Variants in ADAMTS2 observed in about 807,000 individuals in gnomAD.
ADAMTS2 encodes ADAM metallopeptidase with thrombospondin type 1 motif 2.
ADAMTS2 carries 50 observed loss-of-function variants against 123.0 expected under a neutral mutation model. The ratio of observed to expected loss-of-function variants is 0.41; its 90% CI spans 0.32 to 0.51. The LOEUF (loss-of-function observed/expected upper bound fraction) is 0.51, where lower values mean the gene tolerates loss of function less well. ADAMTS2 is among the 20% of genes least tolerant of loss of function. ADAMTS2 has a pLI of 0.35. For synonymous variants in ADAMTS2, 678 were observed against 695.4 expected (o/e 0.98, Z 0.39); for missense variants, 1,494 against 1,705.2 (o/e 0.88, Z 2.18).
At chr5:179,283,117 C>T (rs1030203008) in intron 2 of ADAMTS2, among the ~76,000 whole-genome samples, 7 of 152,206 alleles carry the variant, frequency 4.6e-5, no homozygotes, top group African/African-American at 1.7e-4. Context: ...AAAACTGAGA[C>T]ACCTGGCAAG....
chr5:179,320,332 G>C (rs1757128962), intron 2 of ADAMTS2, among the ~76,000 whole-genome samples: 1 of 152,148 alleles, frequency 6.6e-6, no homozygotes, highest in Non-Finnish European at 1.5e-5. Flanking sequence ...TTTTGAGACG[G>C]AGTCTCGCTC....
intron 4 of ADAMTS2, among the ~76,000 whole-genome samples, chr5:179,198,824 A>C (rs1414248650): frequency 6.7e-6 from 1 of 149,452 alleles, no homozygotes; most frequent in African/African-American, 2.5e-5. Flanking sequence ...ACAGAGCAAG[A>C]CTCTATCTCA....
intron 10 of ADAMTS2, among the ~76,000 whole-genome samples, chr5:179,147,447 T>C (rs1182297067): frequency 1.3e-5 from 2 of 152,186 alleles, no homozygotes; most frequent in Non-Finnish European, 2.9e-5. Flanking sequence ...TAAAGAAATA[T>C]CCATGTTGGA....
At chr5:179,292,363 T>C (rs4700798) in intron 2 of ADAMTS2, among the ~76,000 whole-genome samples, 44,755 of 150,614 alleles carry the variant, frequency 0.3, 7,922 homozygotes, top group Non-Finnish European at 0.39. Flanking sequence ...GATATAAATA[T>C]GAAATTAGCT....
At chr5:179,277,835 A>C (rs71596410) in intron 2 of ADAMTS2, among the ~76,000 whole-genome samples, 72 of 480 alleles carry the variant, frequency 0.15, no homozygotes, top group African/African-American at 0.15. Context: ...CAAAGGCTGA[A>C]CCCCCCGTGA....
chr5:179,320,728 T>C (rs1339393612), intron 2 of ADAMTS2, among the ~76,000 whole-genome samples: 1 of 152,174 alleles, frequency 6.6e-6, no homozygotes, highest in Non-Finnish European at 1.5e-5. Context: ...CCAGGTAGAA[T>C]ACGTTGTCAT....
intron 3 of ADAMTS2, among the ~76,000 whole-genome samples, chr5:179,241,109 T>C (rs1765658360): frequency 6.6e-6 from 1 of 152,214 alleles, no homozygotes; most frequent in Admixed American, 6.5e-5. Context: ...CTGTAGAATA[T>C]GCTGGAGAAC....
chr5:179,137,918 G>A lies in ADAMTS2; in HGVS notation c.1802C>T (p.Ser601Leu), dbSNP rs778186590. 46 of 1,550,098 alleles carry A rather than the reference G, an allele frequency of 3.0e-5. No individual in the cohort carries two copies. The East Asian group carries it at 3.2e-4, about 11-fold the overall frequency. The change falls in exon 12 of 22, where the codon TCG becomes TTG. Residue 601 changes from serine (S) to leucine (L), a missense_variant. Physicochemically the swap from Ser to Leu is moderately radical, Grantham distance 145. Coordinates refer to ENST00000251582, the MANE Select transcript of ADAMTS2 (RefSeq NM_014244.5). ...GAGCTGGAAGTCGTAGGCAAGGCCCGAGCAGGTGCGGCCCCCGTTGGCCGG... is the reference window on the plus strand; with the variant it reads ...GAGCTGGAAGTCGTAGGCAAGGCCCAAGCAGGTGCGGCCCCCGTTGGCCGG... ...PHPANGGRTC[S>L]GLAYDFQLCS...
chr5:179,184,968 T>C (rs1328436414), intron 4 of ADAMTS2, among the ~76,000 whole-genome samples: 1 of 152,144 alleles, frequency 6.6e-6, no homozygotes, highest in Non-Finnish European at 1.5e-5. Flanking sequence ...TGGCATGTCA[T>C]GAGACCTGAG....
chr5:179,233,561 C>T (rs1488096445), intron 3 of ADAMTS2, among the ~76,000 whole-genome samples: 2 of 152,154 alleles, frequency 1.3e-5, no homozygotes, highest in Admixed American at 6.5e-5. Flanking sequence ...TTGGCAGGCA[C>T]CTGTAATCCC....
In ADAMTS2 at chr5:179,308,729, G is replaced by A. The variant is rs1397100955; in HGVS notation, c.534+35038C>T. ...AGCAGATGAATCTGGCTGGCGTCCT[G>A]AGTGGAAGCAGGGCGCGGGCTGCCA... On this transcript the variant is annotated intron_variant, in intron 2 of 21. Coordinates refer to ENST00000251582, the MANE Select transcript of ADAMTS2 (RefSeq NM_014244.5). This position sits in a 1 kb window ranked among gnomAD's most constrained non-coding sequence, Gnocchi z 6.6. Among the ~76,000 whole-genome samples the A allele has an allele frequency of 2.6e-5, 4 of 152,200 alleles. No individual in the cohort carries two copies. Among genetic ancestry groups the A allele is most frequent in the Non-Finnish European group, 5.9e-5 (4 of 68,038 alleles).
intron 2 of ADAMTS2, among the ~76,000 whole-genome samples, chr5:179,305,695 G>C (rs1269030380): frequency 6.6e-6 from 1 of 152,010 alleles, no homozygotes; most frequent in African/African-American, 2.4e-5. Context: ...AACCAAATTT[G>C]GTTCTTTGTA....
At chr5:179,215,695 A>T (rs568230451) in intron 3 of ADAMTS2, among the ~76,000 whole-genome samples, 1 of 152,302 alleles carries the variant, frequency 6.6e-6, no homozygotes, top group African/African-American at 2.4e-5. Context: ...GTGGTAACAG[A>T]CTTGGTACAT....
At chr5:179,267,404 C>T (rs1366118220) in intron 3 of ADAMTS2, among the ~76,000 whole-genome samples, 1 of 152,250 alleles carries the variant, frequency 6.6e-6, no homozygotes, top group Non-Finnish European at 1.5e-5. Flanking sequence ...GAGGATGCTG[C>T]AGCCTGACAG....
At chr5:179,338,586 G>A (rs1422101222) in intron 2 of ADAMTS2, among the ~76,000 whole-genome samples, 6 of 152,188 alleles carry the variant, frequency 3.9e-5, no homozygotes, top group African/African-American at 9.7e-5. Context: ...CCTTTCTCCC[G>A]GAGTCTCATT....
At position 179,132,766 on chromosome 5, in the gene ADAMTS2, G is replaced by C. The variant is rs781320312; in HGVS notation, c.2209+11C>G. 5 of 1,614,016 alleles carry C rather than the reference G, an allele frequency of 3.1e-6. No homozygotes were observed. The South Asian group carries it at 4.4e-5, about 14-fold the overall frequency. ...TCCAGGCTCCAGGGTGGAGAGCAGGGACCCACTCACCATGCTTCTTGGGTG... is the reference window on the plus strand; with the variant it reads ...TCCAGGCTCCAGGGTGGAGAGCAGGCACCCACTCACCATGCTTCTTGGGTG... On this transcript the variant is annotated intron_variant, in intron 14 of 21. Coordinates refer to ENST00000251582, the MANE Select transcript of ADAMTS2 (RefSeq NM_014244.5). The surrounding 1 kb of genome is among the most constrained non-coding windows in gnomAD (Gnocchi z 6.1).
At chr5:179,140,124 A>G in intron 10 of ADAMTS2, 89 bp from the exon 11 acceptor site, 4 of 1,592,794 alleles carry the variant, frequency 2.5e-6, no homozygotes, top group Non-Finnish European at 3.4e-6. Context: ...TGTCTGGGAC[A>G]CGTCCTGGCC....
In ADAMTS2 at chr5:179,118,349, G is replaced by A. The variant is rs1762699635; in HGVS notation, c.3178+3312C>T. Among the ~76,000 whole-genome samples the A allele has an allele frequency of 6.6e-6, 1 of 151,848 alleles. No homozygotes were observed. Among genetic ancestry groups the A allele is most frequent in the Admixed American group, 6.6e-5 (1 of 15,250 alleles). On this transcript the variant is annotated intron_variant, in intron 21 of 21. Coordinates refer to ENST00000251582, the MANE Select transcript of ADAMTS2 (RefSeq NM_014244.5). This position sits in a 1 kb window ranked among gnomAD's most constrained non-coding sequence, Gnocchi z 4.5. ...TGATGCACCTGAGGTAATGACTGGC[G>A]ATGCCTCTCCGCCAAGATGAACACT...
intron 3 of ADAMTS2, among the ~76,000 whole-genome samples, chr5:179,245,898 A>G (rs999404767): frequency 6.6e-6 from 1 of 151,922 alleles, no homozygotes; most frequent in Non-Finnish European, 1.5e-5. Context: ...TTCTGATAAG[A>G]TGCATACGAC....
Sources: gnomAD v4.1 joint callset for allele counts (sites outside exome capture counted in the v4.1 genomes callset) on GRCh38, gnomAD v4.1.1 for gene constraint, Gnocchi (gnomAD v3.1) non-coding constraint, MANE v1.5 for transcripts, NCBI Gene and HGNC (gene_info 2026-07-23, HGNC 2026-07-21) for gene names.